IQCM: variants seen among roughly 807,000 people sequenced by gnomAD.
IQCM encodes the protein IQ motif containing M.
In IQCM, 45 loss-of-function variants were observed where a neutral mutation model predicts 57.6. The ratio of observed to expected loss-of-function variants is 0.78; its 90% CI spans 0.62 to 1.00. IQCM has a LOEUF of 1.00. Ranked by LOEUF, IQCM falls within the 50% of genes least tolerant of loss-of-function variation. The pLI is 0.00. For missense variants in IQCM, 468 were observed against 511.6 expected, an observed-to-expected ratio of 0.91 and a Z score of 0.82; for synonymous variants, 148 against 158.9, an observed-to-expected ratio of 0.93 and a Z score of 0.51.
chr4:149,409,046 A>G (rs1447152863), intron 13 of IQCM, among the ~76,000 whole-genome samples: 1 of 152,172 alleles, frequency 6.6e-6, no homozygotes, highest in East Asian at 1.9e-4. Flanking sequence ...ACTCTCCATA[A>G]CACTCTTGAA....
At chr4:149,795,819 C>T (rs1374174485) in intron 2 of IQCM, among the ~76,000 whole-genome samples, 1 of 152,156 alleles carries the variant, frequency 6.6e-6, no homozygotes, top group South Asian at 2.1e-4. Context: ...TAGAAACACC[C>T]TGGGCCAGAA....
intron 13 of IQCM, among the ~76,000 whole-genome samples, chr4:149,368,796 A>ACG (rs1491503725): frequency 9.4e-6 from 1 of 106,446 alleles, no homozygotes; most frequent in South Asian, 2.6e-4. Flanking sequence ...ATATATATAC[A>ACG]TATATATACA....
At chr4:149,596,182 C>T (rs1467622361) in intron 8 of IQCM, among the ~76,000 whole-genome samples, 1 of 151,944 alleles carries the variant, frequency 6.6e-6, no homozygotes, top group South Asian at 2.1e-4. Flanking sequence ...CAATATAAGC[C>T]CCTGTAAAGG....
chr4:149,647,341 AT>A (rs147184747), intron 7 of IQCM, among the ~76,000 whole-genome samples: 33,596 of 149,916 alleles, frequency 0.22, 4,445 homozygotes, highest in Non-Finnish European at 0.28. Context: ...TTCTAAGAAC[AT>A]TTTTTTTTTA....
chr4:149,676,793 T>C (rs988012811), intron 7 of IQCM, among the ~76,000 whole-genome samples: 29 of 152,164 alleles, frequency 1.9e-4, no homozygotes, highest in African/African-American at 6.5e-4. Context: ...TTCTTTTTCC[T>C]TTAATAAGAA....
intron 7 of IQCM, among the ~76,000 whole-genome samples, chr4:149,648,231 G>T (rs377049374): frequency 6.6e-6 from 1 of 151,812 alleles, no homozygotes; most frequent in South Asian, 2.1e-4. Flanking sequence ...TTTTCCATTG[G>T]TTTTTGTACC....
chr4:149,484,505 T>C (rs1741253210), intron 12 of IQCM, among the ~76,000 whole-genome samples: 1 of 152,026 alleles, frequency 6.6e-6, no homozygotes, highest in African/African-American at 2.4e-5. Flanking sequence ...GCCATGCAAA[T>C]ACTCTCTTAT....
intron 12 of IQCM, among the ~76,000 whole-genome samples, chr4:149,527,080 C>T (rs537775654): frequency 2.1e-4 from 32 of 152,232 alleles, no homozygotes; most frequent in South Asian, 6.2e-4. Context: ...CGAGAACTAA[C>T]GGGAATCAGC....
chr4:149,620,273 T>C (rs1397602185), intron 8 of IQCM, among the ~76,000 whole-genome samples: 2 of 152,168 alleles, frequency 1.3e-5, no homozygotes, highest in Non-Finnish European at 2.9e-5. Context: ...TGCCAGCAAC[T>C]TTATCTTGGA....
At chr4:149,620,224 C>A (rs553421523) in intron 8 of IQCM, among the ~76,000 whole-genome samples, 47 of 152,174 alleles carry the variant, frequency 3.1e-4, no homozygotes, top group African/African-American at 1.1e-3. Context: ...AGGTAGCAGT[C>A]TGCAAGCCAA....
At chr4:149,747,149 A>C (rs1768002026) in intron 2 of IQCM, among the ~76,000 whole-genome samples, 1 of 151,518 alleles carries the variant, frequency 6.6e-6, no homozygotes, top group African/African-American at 2.4e-5. Context: ...CAGATCTGCT[A>C]GCACCAAACA....
intron 5 of IQCM, among the ~76,000 whole-genome samples, chr4:149,697,829 T>A (rs1248734485): frequency 6.6e-6 from 1 of 152,136 alleles, no homozygotes; most frequent in Non-Finnish European, 1.5e-5. Flanking sequence ...TCAAGAAGAA[T>A]GCCTGGCATA....
chr4:149,690,758 A>C (rs1400484849), intron 5 of IQCM: 3 of 152,122 alleles, frequency 2.0e-5, no homozygotes, highest in Non-Finnish European at 2.9e-5. Flanking sequence ...GGTATTGGTT[A>C]GCATTCCTTG....
chr4:149,790,125 T>C, intron 2 of IQCM: 1 of 667,818 alleles, frequency 1.5e-6, no homozygotes, highest in Non-Finnish European at 2.4e-6. Flanking sequence ...TTATTTACTC[T>C]ATGGCAGGTT....
At chr4:149,442,182 T>G (rs1028749114) in intron 12 of IQCM, among the ~76,000 whole-genome samples, 2 of 152,134 alleles carry the variant, frequency 1.3e-5, no homozygotes, top group African/African-American at 4.8e-5. Flanking sequence ...AGCCTTTGTG[T>G]GACTAAATTC....
chr4:149,466,606 T>A (rs1049534517), intron 12 of IQCM, among the ~76,000 whole-genome samples: 1 of 152,174 alleles, frequency 6.6e-6, no homozygotes, highest in African/African-American at 2.4e-5. Flanking sequence ...TTAGCAAGAA[T>A]GCCAGTGGGA....
At chr4:149,574,129 A>G (rs1751419457) in intron 9 of IQCM, among the ~76,000 whole-genome samples, 1 of 151,944 alleles carries the variant, frequency 6.6e-6, no homozygotes, top group African/African-American at 2.4e-5. Flanking sequence ...TGAGTTGTAG[A>G]TGAGATATGA....
intron 12 of IQCM, among the ~76,000 whole-genome samples, chr4:149,520,410 T>C (rs1045149818): frequency 6.6e-6 from 1 of 152,236 alleles, no homozygotes; most frequent in Admixed American, 6.5e-5. Flanking sequence ...TAATTATTAC[T>C]GGCTTGTCCT....
At chr4:149,533,270 G>A (rs1275792062) in intron 12 of IQCM, among the ~76,000 whole-genome samples, 2 of 151,946 alleles carry the variant, frequency 1.3e-5, no homozygotes. Flanking sequence ...AAGTATTTCT[G>A]ACATATAAAA....
Sources: allele counts gnomAD v4.1 joint callset (sites outside exome capture counted in the v4.1 genomes callset), GRCh38; gene constraint gnomAD v4.1.1; transcripts MANE v1.5; gene names NCBI Gene and HGNC (gene_info 2026-07-23, HGNC 2026-07-21).